Variants in STARD3 observed in about 807,000 individuals in gnomAD.
The protein encoded by STARD3 is StAR related lipid transfer domain containing 3.
STARD3 carries 39 observed loss-of-function variants against 62.0 expected under a neutral mutation model. The ratio of observed to expected loss-of-function variants is 0.63; its 90% CI spans 0.49 to 0.82. STARD3 has a LOEUF of 0.82. Ranked by LOEUF, STARD3 falls within the 40% of genes least tolerant of loss-of-function variation. The probability of loss-of-function intolerance (pLI) is 0.00; values close to 1 mark genes in which losing one functional copy is unlikely to be tolerated. For synonymous variants in STARD3, 229 were observed against 242.4 expected, an observed-to-expected ratio of 0.94 and a Z score of 0.51; for missense variants, 543 against 584.5, an observed-to-expected ratio of 0.93 and a Z score of 0.73.
intron 1 of STARD3, among the ~76,000 whole-genome samples, chr17:39,640,288 G>T (rs1396789019): frequency 2.6e-5 from 4 of 152,218 alleles, no homozygotes; most frequent in African/African-American, 4.8e-5. Flanking sequence ...GTAAGGTCAA[G>T]ATCACTCAGC....
In STARD3 at chr17:39,658,568, C is replaced by A. The variant is rs2057157704; in HGVS notation, c.547+46C>A. The stretch of plus-strand genomic sequence containing the variant: ...GGGTGCAGCGAGGGTTACCCACAGC[C>A]CCAAGAGAGGGGAGTTGCGGGCATG... On this transcript the variant is annotated intron_variant, in intron 6 of 14. Coordinates refer to ENST00000336308, the MANE Select transcript of STARD3 (RefSeq NM_006804.4). 11 of 1,590,054 alleles carry A rather than the reference C, an allele frequency of 6.9e-6. No homozygotes were observed. In the East Asian group the frequency reaches 2.5e-4, roughly 36 times the overall value.
chr17:39,648,076 G>C lies in STARD3; in HGVS notation c.-51-5405G>C, dbSNP rs2057043313. On this transcript the variant is annotated intron_variant, in intron 1 of 14. Transcript: ENST00000336308. ...TGAGGCGGGCGGATCACGAGATCAG[G>C]AGATTGAGACCATCCTAGCTAATAC... is the stretch of plus-strand genomic sequence containing the variant. 2.0e-5 allele frequency among the ~76,000 whole-genome samples: 3 copies of C among 151,850 alleles called. No individual in the cohort carries two copies. In the South Asian group the frequency reaches 6.2e-4, roughly 32 times the overall value.
intron 1 of STARD3, among the ~76,000 whole-genome samples, chr17:39,648,523 C>CA (rs1338943932): frequency 6.6e-6 from 1 of 152,154 alleles, no homozygotes; most frequent in Non-Finnish European, 1.5e-5. Context: ...CCCAGATAAA[C>CA]AGAGGCTTGG....
intron 1 of STARD3, among the ~76,000 whole-genome samples, chr17:39,649,636 G>T (rs1306655801): frequency 6.6e-6 from 1 of 150,766 alleles, no homozygotes. Flanking sequence ...GGAGGCCAAG[G>T]CAGGCAGATC....
chr17:39,660,155 ACCAGC>A lies in STARD3; in HGVS notation c.796-52_796-48del. On this transcript the variant is annotated intron_variant, in intron 9 of 14. Transcript: ENST00000336308. This position sits in a 1 kb window ranked among gnomAD's most constrained non-coding sequence, Gnocchi z 4.8. ...CCTGCCTGTCACCCATTTCTGTGCC[ACCAGC>A]CCACCCCCTGCCTCCACTCTCCTCC... 1 of 1,595,230 alleles carries A rather than the reference ACCAGC, an allele frequency of 6.3e-7. No homozygotes were observed. Among genetic ancestry groups the A allele is most frequent in the Non-Finnish European group, 8.6e-7 (1 of 1,163,504 alleles).
At chr17:39,658,586 C>T (rs962973885) in intron 6 of STARD3, 64 bp downstream of exon 6, 110 of 1,568,268 alleles carry the variant, frequency 7.0e-5, no homozygotes, top group Non-Finnish European at 8.8e-5. Context: ...AGGGGAGTTG[C>T]GGGCATGAGA....
intron 1 of STARD3, among the ~76,000 whole-genome samples, chr17:39,646,048 C>T (rs1267624632): frequency 1.3e-5 from 2 of 151,706 alleles, no homozygotes; most frequent in Non-Finnish European, 2.9e-5. Context: ...CACACCACCA[C>T]ACCCGGCTAT....
rs746160992 is a variant in STARD3, at chr17:39,660,745, G to A, written c.955-65G>A. 4.1e-5 allele frequency: 63 copies of A among 1,523,032 alleles called. No individual in the cohort carries two copies. Among genetic ancestry groups the A allele is most frequent in the Non-Finnish European group, 5.3e-5 (60 of 1,127,520 alleles). The allele number at this position is 1,523,032 out of a possible 1,614,324, so 94.3% of individuals were successfully genotyped here. A position where few individuals can be genotyped will look rare whatever the true frequency, so the allele number is the denominator to read the frequency against. On this transcript the variant is annotated intron_variant, in intron 11 of 14. Transcript: ENST00000336308. This position sits in a 1 kb window ranked among gnomAD's most constrained non-coding sequence, Gnocchi z 4.8. ...ATAGCAGTTAGTAAAGGGGCCTGGG[G>A]TGTTCCCATCCCTGGGGTTTTCCTG...
At chr17:39,656,393 T>C (rs1300010104) in intron 2 of STARD3, among the ~76,000 whole-genome samples, 7 of 152,104 alleles carry the variant, frequency 4.6e-5, no homozygotes, top group African/African-American at 7.2e-5. Context: ...CCTCTGGACA[T>C]TGGAGTCAGG....
At chr17:39,646,796 G>A (rs778745754) in intron 1 of STARD3, among the ~76,000 whole-genome samples, 11 of 152,172 alleles carry the variant, frequency 7.2e-5, no homozygotes, top group Admixed American at 5.2e-4. Flanking sequence ...CCTGGAAAGC[G>A]GTGTGGGGGC....
At chr17:39,639,510 G>A (rs1363407700) in intron 1 of STARD3, among the ~76,000 whole-genome samples, 1 of 152,250 alleles carries the variant, frequency 6.6e-6, no homozygotes, top group Non-Finnish European at 1.5e-5. Flanking sequence ...GGAGGCAGAG[G>A]CTGGAGTGGG....
rs919513076 is a variant in STARD3 at position 39,653,547 on chromosome 17, A to C, written c.16A>C (p.Arg6=). ...GCCCACCAGGATGAGCAAGCTGCCC[A>C]GGGAGCTGACCCGAGACTTGGAGCG... MSKLP[R]ELTRDLERSL... is the part of the protein sequence containing the mutation. The change falls in exon 2 of 15, where the codon AGG becomes CGG. Residue 6 remains arginine, a synonymous_variant. Coordinates refer to ENST00000336308, the MANE Select transcript of STARD3 (RefSeq NM_006804.4). 8.1e-6 allele frequency: 13 copies of C among 1,604,364 alleles called. No homozygotes were observed. Among genetic ancestry groups the C allele is most frequent in the Middle Eastern group, 3.3e-4 (2 of 6,064 alleles).
chr17:39,660,220 G>A lies in STARD3; in HGVS notation c.805G>A (p.Asp269Asn). ...WKFEKNNEYG[D>N]TVYTIEVPFH... ...TCTGTCCCTGCCATAGGAATATGGG[G>A]ACACCGTGTACACCATTGAAGTTCC... is the stretch of plus-strand genomic sequence containing the variant. The change falls in exon 10 of 15, where the codon GAC becomes AAC. Residue 269 changes from aspartate to asparagine, a missense_variant. By Grantham distance (23) the Asp-to-Asn change is conservative. Transcript: ENST00000336308. The surrounding 1 kb of genome is among the most constrained non-coding windows in gnomAD (Gnocchi z 4.8). The A allele has an allele frequency of 6.2e-7, 1 of 1,614,082 alleles. No individual in the cohort carries two copies. Among genetic ancestry groups the A allele is most frequent in the South Asian group, 1.1e-5 (1 of 91,078 alleles).
At chr17:39,651,550 C>G (rs944811248) in intron 1 of STARD3, among the ~76,000 whole-genome samples, 1 of 152,094 alleles carries the variant, frequency 6.6e-6, no homozygotes, top group African/African-American at 2.4e-5. Context: ...TTTGCCTCCC[C>G]GCTTCAGCTC....
intron 13 of STARD3, among the ~76,000 whole-genome samples, chr17:39,661,628 C>T (rs1356504724): frequency 2.0e-5 from 3 of 152,156 alleles, no homozygotes; most frequent in Non-Finnish European, 4.4e-5. Context: ...GGGTGGCCCC[C>T]TCCCATAGAC....
chr17:39,653,648 G>A lies in STARD3; in HGVS notation c.117G>A (p.Pro39=), dbSNP rs753834884. ...GCCTCTCCTCGCACCTCCTTCCGCC[G>A]CCTGAGAAGCGAAGGGCCATCTCTG... ...SQSLSSHLLP[P]PEKRRAISDV... The change falls in exon 2 of 15, where the codon CCG becomes CCA. Residue 39 remains proline, a synonymous_variant. Transcript: ENST00000336308. 3.4e-5 allele frequency: 55 copies of A among 1,613,932 alleles called. No individual in the cohort carries two copies. Among genetic ancestry groups the A allele is most frequent in the Non-Finnish European group, 4.2e-5 (50 of 1,180,046 alleles).
At position 39,657,663 on chromosome 17, in the gene STARD3, T is replaced by C. The variant is rs2057144322; in HGVS notation, c.298-112T>C. On this transcript the variant is annotated intron_variant, in intron 3 of 14. Transcript: ENST00000336308. The stretch of plus-strand genomic sequence containing the variant: ...CTGACTCAGTCGTTGTCCCCTGAGG[T>C]GTGCATGCCCATAGGAAGGGAACGT... 52 of 1,089,884 alleles carry C rather than the reference T, an allele frequency of 4.8e-5. No homozygotes were observed. In the South Asian group the frequency reaches 6.6e-4, roughly 14 times the overall value. The allele number at this position is 1,089,884 out of a possible 1,614,324, so 67.5% of individuals were successfully genotyped here.
rs780049682 is a variant in STARD3 at position 39,653,508 on chromosome 17, G to A, written c.-24G>A. ...CTGCTGCTGAGGCCGCGCCCTCCCC[G>A]CCCTGAGGTGGGGGCCCACCAGGAT... On this transcript the variant is annotated 5_prime_UTR_variant, in exon 2 of 15. Coordinates refer to ENST00000336308, the MANE Select transcript of STARD3 (RefSeq NM_006804.4). The A allele has an allele frequency of 4.9e-5, 79 of 1,598,232 alleles. No homozygotes were observed. The African/African-American group carries it at 5.0e-4, about 10-fold the overall frequency.
rs2057208449 is a variant in STARD3 at position 39,662,276 on chromosome 17, A to G, written c.1165A>G (p.Ile389Val). 1.2e-6 allele frequency: 2 copies of G among 1,613,836 alleles called. No homozygotes were observed. Among genetic ancestry groups the G allele is most frequent in the African/African-American group, 1.3e-5 (1 of 74,864 alleles). Residue 389 changes from isoleucine (I) to valine (V), a missense_variant, in exon 14 of 15, where the codon ATC (isoleucine) becomes GTC (valine). Ile to Val is a conservative substitution (Grantham distance 29). Coordinates refer to ENST00000336308, the MANE Select transcript of STARD3 (RefSeq NM_006804.4). The part of the protein sequence containing the change: ...VRGENGPGGF[I>V]VLKSASNPRV... ...GGGAGAGAATGGCCCTGGGGGCTTC[A>G]TCGTGCTCAAGTCGGCCAGTAACCC...
Sources: allele counts gnomAD v4.1 joint callset (sites outside exome capture counted in the v4.1 genomes callset), GRCh38; gene constraint gnomAD v4.1.1; non-coding constraint Gnocchi (gnomAD v3.1); transcripts MANE v1.5; gene names NCBI Gene and HGNC (gene_info 2026-07-23, HGNC 2026-07-21).